The following TPP2 variants were observed in gnomAD, a reference collection of about 807,000 sequenced individuals.
TPP2 encodes tripeptidyl peptidase 2, also known as tripeptidyl-peptidase 2.
TPP2 carries 34 observed loss-of-function variants against 155.9 expected under a neutral mutation model. The observed-to-expected ratio is 0.22, with a 90% CI of 0.17 to 0.29. The LOEUF is 0.29. TPP2 is among the 10% of genes least tolerant of loss of function. The probability of loss-of-function intolerance (pLI) is 1.00; values close to 1 mark genes in which losing one functional copy is unlikely to be tolerated. For missense variants in TPP2, 1,028 were observed against 1,522.3 expected (o/e 0.68, Z 5.40); for synonymous variants, 510 against 529.4 (o/e 0.96, Z 0.50).
Position 102,656,950 on chromosome 13 carries a change from A to G in TPP2, c.2992-106A>G, listed in dbSNP as rs554705696. The G allele has an allele frequency of 2.6e-5, 32 of 1,234,538 alleles. No individual in the cohort carries two copies. In the South Asian group the frequency reaches 4.2e-4, roughly 16 times the overall value. 76.5% of individuals were successfully genotyped at this position (1,234,538 alleles called of 1,614,324 possible). A position where few individuals can be genotyped will look rare whatever the true frequency, so the allele number is the denominator to read the frequency against. On this transcript the variant is annotated intron_variant, in intron 24 of 29. Coordinates refer to ENST00000376052, the MANE Select transcript of TPP2 (RefSeq NM_001330588.2). ...CTTAGAATCTAGAATACAGTGTAGT[A>G]CAACTTAGGTGCAGCCCATGTTACA...
At chr13:102,649,373 T>C (rs1883347870) in intron 22 of TPP2, 35 bp from the exon 23 acceptor site, 1 of 1,582,568 alleles carries the variant, frequency 6.3e-7, no homozygotes, top group African/African-American at 1.4e-5. Context: ...CTTTCTCTTT[T>C]GTTGCTTTTT....
intron 25 of TPP2, among the ~76,000 whole-genome samples, chr13:102,661,399 C>T (rs1048241573): frequency 1.3e-5 from 2 of 151,784 alleles, no homozygotes; most frequent in South Asian, 4.2e-4. Flanking sequence ...TACAAGTGCA[C>T]GCCACCACCC....
chr13:102,674,043 G>A (rs1342377020), intron 27 of TPP2, among the ~76,000 whole-genome samples: 4 of 152,114 alleles, frequency 2.6e-5, no homozygotes, highest in Admixed American at 6.6e-5. Flanking sequence ...CTGGCATTCC[G>A]TTTCAACCAG....
Position 102,674,536 on chromosome 13 carries a change from C to T in TPP2, c.3579+46C>T, listed in dbSNP as rs747720522. ...TTCAGCAAAGTTCTTGGGGTTACCT[C>T]ACAGACCTCTCTTGTGCCCCATTGC... On this transcript the variant is annotated intron_variant, in intron 28 of 29. Coordinates refer to ENST00000376052, the MANE Select transcript of TPP2 (RefSeq NM_001330588.2). The T allele has an allele frequency of 2.5e-6, 4 of 1,589,886 alleles. No homozygotes were observed. In the Admixed American group the frequency reaches 5.0e-5, roughly 20 times the overall value.
intron 2 of TPP2, among the ~76,000 whole-genome samples, chr13:102,611,759 A>G (rs1023713375): frequency 5.9e-5 from 9 of 152,248 alleles, no homozygotes; most frequent in African/African-American, 2.2e-4. Flanking sequence ...GAAGTGTCAC[A>G]GCTTTTCTCT....
chr13:102,614,613 C>T (rs950041120), intron 3 of TPP2, among the ~76,000 whole-genome samples: 3 of 152,008 alleles, frequency 2.0e-5, no homozygotes, highest in Admixed American at 1.3e-4. Flanking sequence ...GTTTAACTAG[C>T]CTTCTTGCTC....
chr13:102,622,989 T>C lies in TPP2; in HGVS notation c.733T>C (p.Ser245Pro). The C allele has an allele frequency of 6.2e-7, 1 of 1,614,036 alleles. No homozygotes were observed. The highest frequency in any genetic ancestry group is 8.5e-7 in the Non-Finnish European group (1 of 1,180,008). Residue 245 changes from serine to proline, a missense_variant, in exon 6 of 30, where the codon TCC becomes CCC. This residue lies in a region of TPP2 where 300 missense variants were observed against 398.3 expected (regional missense o/e 0.75). Transcript: ENST00000376052. Reference sequence around the variant, plus strand: ...TGGCACAGCTGAGATGTTGAATTACTCCGTTAATATATACGATGATGGAAA... The same window carrying C: ...TGGCACAGCTGAGATGTTGAATTACCCCGTTAATATATACGATGATGGAAA... ...SFGTAEMLNY[S>P]VNIYDDGNLL...
At position 102,637,176 on chromosome 13, in the gene TPP2, A is replaced by G. The variant is rs1279829598; in HGVS notation, c.1773A>G (p.Gln591=). The part of the protein sequence containing the change: ...QCPSHLELMN[Q]CRHINIRVDP... ...CCAGCCATTTGGAACTCATGAATCA[A>G]TGTAGACACATAAACATACGTGTGG... Residue 591 remains glutamine, a synonymous_variant, in exon 14 of 30, where the codon CAA becomes CAG. Coordinates refer to ENST00000376052, the MANE Select transcript of TPP2 (RefSeq NM_001330588.2). 1.9e-6 allele frequency: 3 copies of G among 1,612,750 alleles called. No homozygotes were observed. The highest frequency in any genetic ancestry group is 1.6e-4 in the Middle Eastern group (1 of 6,082).
In TPP2 at chr13:102,638,228, CT is replaced by C; in HGVS notation, c.1837-5del. 1 of 1,610,898 alleles carries C rather than the reference CT, an allele frequency of 6.2e-7. No homozygotes were observed. Among genetic ancestry groups the C allele is most frequent in the Non-Finnish European group, 8.5e-7 (1 of 1,179,394 alleles). On this transcript the variant is annotated splice_polypyrimidine_tract_variant and intron_variant, in intron 14 of 29. Transcript: ENST00000376052. ...TTATGGATATTGACACTTACCGATTCTTTTTTCAAGGTATGTGGCTATGATA... is the reference window on the plus strand; with the variant it reads ...TTATGGATATTGACACTTACCGATTCTTTTTCAAGGTATGTGGCTATGATA...
intron 4 of TPP2, 59 bp downstream of exon 4, chr13:102,616,559 C>A: frequency 7.3e-7 from 1 of 1,364,300 alleles, no homozygotes; most frequent in South Asian, 1.5e-5. Flanking sequence ...CATAGAGTTT[C>A]TACAGAACTA....
At chr13:102,625,305 C>G (rs1479681728) in intron 6 of TPP2, among the ~76,000 whole-genome samples, 3 of 151,584 alleles carry the variant, frequency 2.0e-5, no homozygotes, top group African/African-American at 4.9e-5. Context: ...GCTGGGACTG[C>G]AGGCGCCCAC....
chr13:102,634,132 C>T (rs1403698812), intron 11 of TPP2, 34 bp downstream of exon 11: 1 of 1,609,516 alleles, frequency 6.2e-7, no homozygotes, highest in East Asian at 2.2e-5. Flanking sequence ...TACATTATTG[C>T]AGACCAATAT....
At chr13:102,671,336 T>C (rs1356002545) in intron 27 of TPP2, among the ~76,000 whole-genome samples, 1 of 152,172 alleles carries the variant, frequency 6.6e-6, no homozygotes, top group Non-Finnish European at 1.5e-5. Context: ...ATGGGCAAAT[T>C]CCAAGGGCTG....
chr13:102,652,440 ATATATATATATAT>A (rs1566359182), intron 24 of TPP2, among the ~76,000 whole-genome samples: 20 of 41,032 alleles, frequency 4.9e-4, no homozygotes, highest in Non-Finnish European at 8.0e-4. Flanking sequence ...ATATATATAT[ATATATATATATAT>A]AAAAGGGACC....
chr13:102,647,081 A>T, intron 20 of TPP2, 126 bp from the exon 21 acceptor site: 1 of 1,246,758 alleles, frequency 8.0e-7, no homozygotes, highest in Admixed American at 3.0e-5. Context: ...TATTTTCAAA[A>T]TTTTTTACCA....
intron 4 of TPP2, among the ~76,000 whole-genome samples, 174 bp from the exon 5 acceptor site, chr13:102,618,548 G>A (rs531643345): frequency 6.6e-6 from 1 of 152,142 alleles, no homozygotes. Context: ...GTATTAATGG[G>A]TATCTGCTTC....
rs959489051 is a variant in TPP2, at chr13:102,616,364, C to G, written c.391-32C>G. The G allele has an allele frequency of 1.9e-6, 3 of 1,567,132 alleles. 1 individual carries two copies. Among genetic ancestry groups the G allele is most frequent in the Middle Eastern group, 3.4e-4 (2 of 5,902 alleles). Reference sequence around the variant, plus strand: ...TAGGTTTACCTGAGTATTTGTCAGCCTAATTGTAAGGTAATTTTTCTGTCT... The same window carrying G: ...TAGGTTTACCTGAGTATTTGTCAGCGTAATTGTAAGGTAATTTTTCTGTCT... On this transcript the variant is annotated intron_variant, in intron 3 of 29. Transcript: ENST00000376052.
In TPP2 at chr13:102,657,057, A is replaced by C; in HGVS notation, c.2993A>C (p.Asp998Ala). The C allele has an allele frequency of 1.3e-5, 20 of 1,587,128 alleles. No homozygotes were observed. Among genetic ancestry groups the C allele is most frequent in the Non-Finnish European group, 1.7e-5 (20 of 1,172,180 alleles). Reference protein sequence around the residue: ...AAKRQGKFKKDVIPVHYYLIP... With the variant: ...AAKRQGKFKKAVIPVHYYLIP... ...AAGAATCTCTCTCCACATTCGTAGG[A>C]TGTAATCCCTGTTCATTACTACTTA... is the stretch of plus-strand genomic sequence containing the variant. The change falls in exon 25 of 30, where the codon GAT becomes GCT. Residue 998 changes from aspartate (D) to alanine (A), a missense_variant and splice_region_variant. By Grantham distance (126) the Asp-to-Ala change is moderately radical (BLOSUM62 -2). Transcript: ENST00000376052.
chr13:102,615,463 T>C lies in TPP2; in HGVS notation c.391-933T>C, dbSNP rs149997936. Among the ~76,000 whole-genome samples, 6 of 152,336 alleles carry C rather than the reference T, an allele frequency of 3.9e-5. No homozygotes were observed. In the East Asian group the frequency reaches 9.6e-4, roughly 24 times the overall value. ...TTGCATGACTGCATTTTATATAGTA[T>C]ATTAAATGTAATCAGCTGTGTTGAT... On this transcript the variant is annotated intron_variant, in intron 3 of 29. Coordinates refer to ENST00000376052, the MANE Select transcript of TPP2 (RefSeq NM_001330588.2).
Sources: allele counts gnomAD v4.1 joint callset (sites outside exome capture counted in the v4.1 genomes callset), GRCh38; gene constraint gnomAD v4.1.1; regional missense constraint gnomAD v4.1.1; transcripts MANE v1.5; gene names NCBI Gene and HGNC (gene_info 2026-07-23, HGNC 2026-07-21).